Variants in CCSER1 observed in about 807,000 individuals in gnomAD.
CCSER1 encodes the protein serine-rich coiled-coil domain-containing protein 1.
A neutral mutation model predicts 82.0 loss-of-function variants in CCSER1; 41 were observed. The ratio of observed to expected loss-of-function variants is 0.50; its 90% confidence interval spans 0.39 to 0.65. The LOEUF is 0.65. Among genes scored for constraint, CCSER1 ranks in the 30% least tolerant of loss-of-function variants. The pLI, the probability that CCSER1 is intolerant of heterozygous loss-of-function variation, is 0.00. For missense variants in CCSER1, 1,119 were observed against 1,064.2 expected (o/e 1.05, Z -0.72); for synonymous variants, 414 against 383.9 (o/e 1.08, Z -0.92).
chr4:91,210,688 TC>T (rs1736741789), intron 10 of CCSER1, among the ~76,000 whole-genome samples: 1 of 151,794 alleles, frequency 6.6e-6, no homozygotes, highest in Non-Finnish European at 1.5e-5. Context: ...AAACTGAGGA[TC>T]TACTGTAGAT....
At position 90,706,726 on chromosome 4, in the gene CCSER1, A is replaced by G. The variant is rs372766676; in HGVS notation, c.1933-17188A>G. ...CTATACAGCAAAACAAAATTTGCAC[A>G]TTGTGTGTAAAGTTGAAGTATATTC... On this transcript the variant is annotated intron_variant, in intron 6 of 10. Coordinates refer to ENST00000509176, the MANE Select transcript of CCSER1 (RefSeq NM_001145065.2). Among the ~76,000 whole-genome samples, 5 of 152,220 alleles carry G rather than the reference A, an allele frequency of 3.3e-5. No homozygotes were observed. The East Asian group carries it at 5.8e-4, about 18-fold the overall frequency.
chr4:90,259,036 A>G (rs1208450445), intron 1 of CCSER1, among the ~76,000 whole-genome samples: 2 of 152,042 alleles, frequency 1.3e-5, no homozygotes, highest in Admixed American at 6.6e-5. Context: ...TGGTATTTTG[A>G]TGGGAATAGC....
intron 7 of CCSER1, among the ~76,000 whole-genome samples, chr4:90,769,398 G>T (rs1023087000): frequency 2.0e-5 from 3 of 152,180 alleles, no homozygotes; most frequent in Admixed American, 6.6e-5. Context: ...TAGACTGAGA[G>T]AGCTGCTCAA....
rs1032120306 is a variant in CCSER1 at position 90,568,205 on chromosome 4, G to A, written c.1725-59820G>A. 4.6e-5 allele frequency among the ~76,000 whole-genome samples: 7 copies of A among 152,134 alleles called. No individual in the cohort carries two copies. The East Asian group carries it at 5.8e-4, about 13-fold the overall frequency. ...GTTGATCTAGATTATATTTTAAGTC[G>A]GATGTTTCCTTATTGGTTTTCTGTC... On this transcript the variant is annotated intron_variant, in intron 5 of 10. Transcript: ENST00000509176.
At chr4:91,278,598 G>T (rs1377434853) in intron 10 of CCSER1, among the ~76,000 whole-genome samples, 1 of 151,896 alleles carries the variant, frequency 6.6e-6, no homozygotes, top group Non-Finnish European at 1.5e-5. Flanking sequence ...TTGTATAGTT[G>T]GGTCCTGTTT....
chr4:90,820,661 A>G (rs1759612660), intron 8 of CCSER1, among the ~76,000 whole-genome samples: 1 of 152,020 alleles, frequency 6.6e-6, no homozygotes, highest in African/African-American at 2.4e-5. Context: ...GGACCATAAC[A>G]TTAAAAATAT....
chr4:90,575,376 T>A (rs1281920559), intron 5 of CCSER1, among the ~76,000 whole-genome samples: 1 of 152,196 alleles, frequency 6.6e-6, no homozygotes, highest in Non-Finnish European at 1.5e-5. Context: ...GCTAAACTCA[T>A]GCTTCATGAG....
chr4:90,133,784 T>G (rs1578130392), intron 1 of CCSER1, among the ~76,000 whole-genome samples: 1 of 152,186 alleles, frequency 6.6e-6, no homozygotes, highest in East Asian at 1.9e-4. Context: ...TTTGGCAGTT[T>G]AAATTTTACC....
At chr4:91,438,722 T>TTA (rs199931765) in intron 10 of CCSER1, among the ~76,000 whole-genome samples, 123,196 of 151,896 alleles carry the variant, frequency 0.81, 50,192 homozygotes, top group East Asian at 0.92. Flanking sequence ...GACAAAGAAG[T>TTA]AAAACTTTCA....
chr4:90,812,740 C>T (rs1758512942), intron 7 of CCSER1, among the ~76,000 whole-genome samples: 1 of 152,044 alleles, frequency 6.6e-6, no homozygotes, highest in East Asian at 1.9e-4. Context: ...AAAATCATGG[C>T]GGAAGGCTGA....
At chr4:91,481,828 T>A (rs1757931066) in intron 10 of CCSER1, among the ~76,000 whole-genome samples, 1 of 151,820 alleles carries the variant, frequency 6.6e-6, no homozygotes, top group Non-Finnish European at 1.5e-5. Flanking sequence ...ACCATCAGAG[T>A]GAACAGGCAA....
chr4:91,192,656 T>C (rs1223554580), intron 10 of CCSER1, among the ~76,000 whole-genome samples: 1 of 152,106 alleles, frequency 6.6e-6, no homozygotes, highest in African/African-American at 2.4e-5. Flanking sequence ...GATTTAGCCC[T>C]CATTATATTT....
At chr4:90,255,065 A>G (rs997440334) in intron 1 of CCSER1, among the ~76,000 whole-genome samples, 5 of 151,886 alleles carry the variant, frequency 3.3e-5, no homozygotes, top group African/African-American at 1.2e-4. Flanking sequence ...TCTACCAGTA[A>G]TGGTCTTCTT....
At chr4:90,627,381 T>A (rs1307564576) in intron 5 of CCSER1, among the ~76,000 whole-genome samples, 1 of 151,892 alleles carries the variant, frequency 6.6e-6, no homozygotes, top group Non-Finnish European at 1.5e-5. Flanking sequence ...TGCTAAAGTA[T>A]CTTGTCATAT....
intron 9 of CCSER1, among the ~76,000 whole-genome samples, chr4:90,940,131 G>C (rs910444155): frequency 6.6e-6 from 1 of 152,108 alleles, no homozygotes; most frequent in Non-Finnish European, 1.5e-5. Flanking sequence ...ATTAGCAACT[G>C]AAGTAAGTCA....
At chr4:91,105,619 G>A (rs778023630) in intron 10 of CCSER1, among the ~76,000 whole-genome samples, 6 of 152,040 alleles carry the variant, frequency 3.9e-5, no homozygotes, top group Non-Finnish European at 7.4e-5. Flanking sequence ...CAGGGGAATC[G>A]CTTGAACCTG....
chr4:90,154,138 C>A (rs1727514256), intron 1 of CCSER1, among the ~76,000 whole-genome samples: 2 of 152,154 alleles, frequency 1.3e-5, no homozygotes, highest in Admixed American at 6.5e-5. Flanking sequence ...ATAGGGAATC[C>A]TTTCCCCATT....
intron 3 of CCSER1, among the ~76,000 whole-genome samples, chr4:90,328,230 A>G (rs1438650482): frequency 1.3e-5 from 2 of 152,194 alleles, no homozygotes; most frequent in Admixed American, 6.5e-5. Flanking sequence ...GGGCCTATGA[A>G]AAATTATTTC....
Position 90,723,936 on chromosome 4 carries a change from G to A in CCSER1, c.1955G>A (p.Ser652Asn). 1.3e-6 allele frequency: 2 copies of A among 1,580,810 alleles called. No homozygotes were observed. The highest frequency in any genetic ancestry group is 1.7e-6 in the Non-Finnish European group (2 of 1,161,530). Reference protein sequence around the residue: ...LQESADMSPASSTTSLPVSPL... With the variant: ...LQESADMSPANSTTSLPVSPL... The stretch of plus-strand genomic sequence containing the variant: ...CAGAGTGCAGACATGAGTCCAGCAA[G>A]CAGTACCACGTCACTTCCTGTTAGT... Residue 652 changes from serine (S) to asparagine (N), a missense_variant, in exon 7 of 11, where the codon AGC (serine) becomes AAC (asparagine). Ser to Asn is a conservative substitution (Grantham distance 46). Coordinates refer to ENST00000509176, the MANE Select transcript of CCSER1 (RefSeq NM_001145065.2).
Sources: allele counts gnomAD v4.1 joint callset (sites outside exome capture counted in the v4.1 genomes callset), GRCh38; gene constraint gnomAD v4.1.1; transcripts MANE v1.5; gene names NCBI Gene and HGNC (gene_info 2026-07-23, HGNC 2026-07-21).